POLR3B: variants seen among roughly 807,000 people sequenced by gnomAD.
POLR3B encodes the protein RNA polymerase III subunit B.
A neutral mutation model predicts 147.4 loss-of-function variants in POLR3B; 96 were observed. The ratio of observed to expected loss-of-function variants is 0.65; its 90% confidence interval spans 0.55 to 0.77. The LOEUF (loss-of-function observed/expected upper bound fraction) is 0.77, where lower values mean the gene tolerates loss of function less well. POLR3B is among the 30% of genes least tolerant of loss of function. POLR3B has a pLI of 0.00. For missense variants in POLR3B, 1,036 were observed against 1,413.5 expected, an observed-to-expected ratio of 0.73 and a Z score of 4.28; for synonymous variants, 461 against 485.9, an observed-to-expected ratio of 0.95 and a Z score of 0.67.
At chr12:106,418,605 C>T (rs1266813099) in intron 12 of POLR3B, among the ~76,000 whole-genome samples, 1 of 152,152 alleles carries the variant, frequency 6.6e-6, no homozygotes, top group African/African-American at 2.4e-5. Flanking sequence ...TTAGCATTTT[C>T]ATTGAAAATC....
chr12:106,378,288 G>A lies in POLR3B; in HGVS notation c.518G>A (p.Gly173Glu), dbSNP rs2036708996. 2 of 1,610,650 alleles carry A rather than the reference G, an allele frequency of 1.2e-6. No homozygotes were observed. Among genetic ancestry groups the A allele is most frequent in the South Asian group, 1.1e-5 (1 of 91,020 alleles). The change falls in exon 8 of 28, where the codon GGA (glycine) becomes GAA (glutamate). Residue 173 changes from glycine to glutamate, a missense_variant. Physicochemically the swap from Gly to Glu is moderately conservative, Grantham distance 98. Around this residue, in one of 12 missense-constraint regions of POLR3B, gnomAD observed 217 missense variants for 288.7 expected, o/e 0.75. Coordinates refer to ENST00000228347, the MANE Select transcript of POLR3B (RefSeq NM_018082.6). ...GTAGGTGGCTACTTCATTGTTAAAG[G>A]AGTAGAAAAAGTTATTCTTATCCAA... ...LDPGGYFIVK[G>E]VEKVILIQEQ...
chr12:106,507,651 C>T (rs541036210), intron 27 of POLR3B: 2 of 371,378 alleles, frequency 5.4e-6, no homozygotes, highest in South Asian at 2.0e-5. Flanking sequence ...GTACTGTTAA[C>T]GGATCAAATA....
At chr12:106,406,067 CCAATT>C in intron 11 of POLR3B, 91 bp downstream of exon 11, 1 of 1,401,302 alleles carries the variant, frequency 7.1e-7, no homozygotes. Flanking sequence ...TATTTAAAGT[CCAATT>C]CCTCAAGAGA....
chr12:106,399,650 A>G (rs1363164700), intron 10 of POLR3B, among the ~76,000 whole-genome samples: 1 of 152,248 alleles, frequency 6.6e-6, no homozygotes, highest in Non-Finnish European at 1.5e-5. Flanking sequence ...TCTACAAGCC[A>G]GAAGAGAGTG....
chr12:106,393,383 T>C (rs572893140), intron 10 of POLR3B, among the ~76,000 whole-genome samples: 2 of 152,110 alleles, frequency 1.3e-5, no homozygotes, highest in Middle Eastern at 3.4e-3. Flanking sequence ...AGGGGATATA[T>C]GGCGAAGAGG....
chr12:106,361,968 A>G (rs746793870), intron 1 of POLR3B, among the ~76,000 whole-genome samples: 5 of 152,102 alleles, frequency 3.3e-5, no homozygotes, highest in Non-Finnish European at 7.3e-5. Context: ...TTTCACTGGC[A>G]GGTAGGTCAG....
At chr12:106,497,667 A>C (rs533015493) in intron 25 of POLR3B, among the ~76,000 whole-genome samples, 69 of 152,320 alleles carry the variant, frequency 4.5e-4, no homozygotes, top group African/African-American at 1.6e-3. Flanking sequence ...GTGTTCACTA[A>C]AGATGTGCTA....
chr12:106,368,639 G>A (rs536267200), intron 4 of POLR3B, among the ~76,000 whole-genome samples: 2 of 152,162 alleles, frequency 1.3e-5, no homozygotes, highest in East Asian at 1.9e-4. Flanking sequence ...GTGCACTGTC[G>A]TTTTTATCTT....
At chr12:106,415,659 A>G (rs1260784222) in intron 12 of POLR3B, among the ~76,000 whole-genome samples, 2 of 152,210 alleles carry the variant, frequency 1.3e-5, no homozygotes, top group African/African-American at 4.8e-5. Flanking sequence ...ATGGTTATTC[A>G]TTTATTTTAC....
Position 106,410,862 on chromosome 12 carries a change from A to C in POLR3B, c.1003A>C (p.Thr335Pro), listed in dbSNP as rs780131061. ...CAATTTCCGAGCCAAATGTATCTAT[A>C]CTGCAGTGATGGTGCGAAGAGTTAT... ...EFNFRAKCIY[T>P]AVMVRRVILA... The change falls in exon 12 of 28, where the codon ACT (threonine) becomes CCT (proline). Residue 335 changes from threonine (T) to proline (P), a missense_variant. Transcript: ENST00000228347. The C allele has an allele frequency of 2.0e-5, 33 of 1,613,666 alleles. No homozygotes were observed. The highest frequency in any genetic ancestry group is 2.8e-5 in the Non-Finnish European group (33 of 1,179,688).
chr12:106,389,917 T>C (rs941804015), intron 9 of POLR3B, among the ~76,000 whole-genome samples: 1 of 152,166 alleles, frequency 6.6e-6, no homozygotes, highest in Non-Finnish European at 1.5e-5. Context: ...TTAAAAAAGT[T>C]GGCTGGGCGC....
intron 19 of POLR3B, among the ~76,000 whole-genome samples, chr12:106,451,858 A>G (rs1476964502): frequency 1.3e-5 from 2 of 152,312 alleles, no homozygotes; most frequent in South Asian, 2.1e-4. Flanking sequence ...TTGTGACTTA[A>G]GAAAGTTGTT....
intron 17 of POLR3B, among the ~76,000 whole-genome samples, 195 bp downstream of exon 17, chr12:106,437,326 C>T (rs546114774): frequency 6.6e-6 from 1 of 152,276 alleles, no homozygotes; most frequent in African/African-American, 2.4e-5. Context: ...GTTACCTAGT[C>T]TTGATGTCAG....
chr12:106,434,673 C>T (rs749309607), intron 16 of POLR3B, among the ~76,000 whole-genome samples: 7 of 151,940 alleles, frequency 4.6e-5, no homozygotes, highest in South Asian at 2.1e-4. Context: ...CTAGCATTAC[C>T]GTAGTTATTC....
intron 24 of POLR3B, 187 bp from the exon 25 acceptor site, chr12:106,496,565 T>C (rs2038489218): frequency 1.6e-6 from 1 of 630,838 alleles, no homozygotes; most frequent in East Asian, 2.7e-5. Context: ...TGAAGAAATA[T>C]AGGACCTATC....
At chr12:106,391,043 C>G (rs567652803) in intron 9 of POLR3B, among the ~76,000 whole-genome samples, 10 of 152,244 alleles carry the variant, frequency 6.6e-5, no homozygotes, top group Middle Eastern at 3.4e-3. Flanking sequence ...TAAGCAAGAC[C>G]GCTTCACCAA....
intron 11 of POLR3B, 25 bp from the exon 12 acceptor site, chr12:106,410,801 T>A (rs777111751): frequency 7.4e-6 from 12 of 1,611,038 alleles, no homozygotes; most frequent in South Asian, 1.1e-5. Flanking sequence ...TTTCTCAAAA[T>A]TTTTCTCCAA....
intron 10 of POLR3B, among the ~76,000 whole-genome samples, chr12:106,395,905 G>A (rs2036972433): frequency 6.6e-6 from 1 of 152,120 alleles, no homozygotes; most frequent in Non-Finnish European, 1.5e-5. Flanking sequence ...AGGAGGCGGA[G>A]GTTGCAGTGA....
intron 23 of POLR3B, among the ~76,000 whole-genome samples, chr12:106,484,604 G>A (rs760537868): frequency 1.3e-5 from 2 of 151,522 alleles, no homozygotes; most frequent in Non-Finnish European, 2.9e-5. Flanking sequence ...AAAAAAAAGT[G>A]TAAACAAAAA....
Sources: allele counts gnomAD v4.1 joint callset (sites outside exome capture counted in the v4.1 genomes callset), GRCh38; gene constraint gnomAD v4.1.1; regional missense constraint gnomAD v4.1.1; transcripts MANE v1.5; gene names NCBI Gene and HGNC (gene_info 2026-07-23, HGNC 2026-07-21).